HTT: variants seen among roughly 807,000 people sequenced by gnomAD.
HTT encodes huntingtin, also known as huntington disease protein.
HTT carries 104 observed loss-of-function variants against 362.3 expected under a neutral mutation model. The observed-to-expected ratio is 0.29, with a 90% confidence interval of 0.24 to 0.34. The LOEUF is 0.34. HTT is among the 10% of genes least tolerant of loss of function. The pLI, the probability that HTT is intolerant of heterozygous loss-of-function variation, is 1.00. For synonymous variants in HTT, 1,577 were observed against 1,548.7 expected (o/e 1.02, Z -0.43); for missense variants, 3,301 against 3,928.6 (o/e 0.84, Z 4.27).
intron 45 of HTT, among the ~76,000 whole-genome samples, chr4:3,208,355 G>A (rs1719970638): frequency 6.6e-6 from 1 of 152,208 alleles, no homozygotes; most frequent in East Asian, 1.9e-4. Flanking sequence ...ATTTTGAAAT[G>A]ACCATGAATT....
At chr4:3,145,044 C>T in intron 23 of HTT, 108 bp from the exon 24 acceptor site, 1 of 853,982 alleles carries the variant, frequency 1.2e-6, no homozygotes, top group Admixed American at 1.8e-5. Flanking sequence ...ATACACAGAT[C>T]TCAGTTTTCT....
At position 3,228,012 on chromosome 4, in the gene HTT, A is replaced by T. The variant is rs1186385784; in HGVS notation, c.7849-603A>T. On this transcript the variant is annotated intron_variant, in intron 57 of 66. Coordinates refer to ENST00000355072, the MANE Select transcript of HTT (RefSeq NM_001388492.1). The surrounding 1 kb of genome is among the most constrained non-coding windows in gnomAD (Gnocchi z 4.3). ...GCAGGGTGCTGGGTCCCAGGGGGGA[A>T]ATGGCCCTTGGTGCCAAGAACGTGA... Among the ~76,000 whole-genome samples the T allele has an allele frequency of 6.6e-6, 1 of 152,160 alleles. No individual in the cohort carries two copies. The highest frequency in any genetic ancestry group is 1.5e-5 in the Non-Finnish European group (1 of 68,008).
intron 18 of HTT, 63 bp downstream of exon 18, chr4:3,132,974 TA>T: frequency 8.2e-7 from 1 of 1,216,076 alleles, no homozygotes; most frequent in South Asian, 1.2e-5. Flanking sequence ...TTGCTACAAT[TA>T]AAATTGGAGC....
chr4:3,134,416 C>T lies in HTT; in HGVS notation c.2509C>T (p.Leu837Phe), dbSNP rs1715967159. 1 of 1,613,858 alleles carries T rather than the reference C, an allele frequency of 6.2e-7. No individual in the cohort carries two copies. The highest frequency in any genetic ancestry group is 1.7e-4 in the Middle Eastern group (1 of 6,052). The change falls in exon 19 of 67, where the codon CTC (leucine) becomes TTC (phenylalanine). Residue 837 changes from leucine to phenylalanine, a missense_variant. Transcript: ENST00000355072. ...CTAVRNCVMS[L>F]CSSSYSELGL... ...TGTGTTCCAGAACTGTGTCATGAGT[C>T]TCTGCAGCAGCAGCTACAGTGAGTT...
At chr4:3,205,693 A>G (rs531828239) in intron 42 of HTT, among the ~76,000 whole-genome samples, 45 of 152,196 alleles carry the variant, frequency 3.0e-4, no homozygotes, top group Non-Finnish European at 5.6e-4. Context: ...GGAGCTCAAC[A>G]AATAAGTATA....
intron 1 of HTT, among the ~76,000 whole-genome samples, chr4:3,076,543 A>G (rs1169545330): frequency 6.6e-6 from 1 of 152,220 alleles, no homozygotes; most frequent in Non-Finnish European, 1.5e-5. Flanking sequence ...ATTTGGAGAA[A>G]TTTTAAAACA....
chr4:3,177,585 G>A (rs1233309202), intron 34 of HTT, among the ~76,000 whole-genome samples, 198 bp downstream of exon 34: 1 of 152,180 alleles, frequency 6.6e-6, no homozygotes, highest in African/African-American at 2.4e-5. Flanking sequence ...AAGTAGTTAT[G>A]TATCTGAAAA....
At chr4:3,082,564 C>T (rs1232075576) in intron 1 of HTT, among the ~76,000 whole-genome samples, 1 of 152,152 alleles carries the variant, frequency 6.6e-6, no homozygotes, top group Admixed American at 6.5e-5. Flanking sequence ...TTTGGGATCT[C>T]ATAAGCAGAC....
chr4:3,234,955 C>T (rs2110302035), intron 61 of HTT, among the ~76,000 whole-genome samples: 1 of 152,264 alleles, frequency 6.6e-6, no homozygotes, highest in Non-Finnish European at 1.5e-5. Context: ...GGGGACTGGC[C>T]TGGGGTGTGG....
At chr4:3,116,919 AG>A (rs1413608040) in intron 8 of HTT, among the ~76,000 whole-genome samples, 1 of 152,168 alleles carries the variant, frequency 6.6e-6, no homozygotes, top group Non-Finnish European at 1.5e-5. Context: ...ATGTTATGTC[AG>A]GGTTTTTATT....
chr4:3,154,368 G>A lies in HTT; in HGVS notation c.3574G>A (p.Glu1192Lys). ...AAAGGGGAAGGAGAAAGAACCAGGA[G>A]AACAAGCATCTGTACCGTTGAGTCC... Reference protein sequence around the residue: ...RRKGKEKEPGEQASVPLSPKK... With the variant: ...RRKGKEKEPGKQASVPLSPKK... The change falls in exon 27 of 67, where the codon GAA (glutamate) becomes AAA (lysine). Residue 1192 changes from glutamate (E) to lysine (K), a missense_variant. This residue lies in a region of HTT where 2,316 missense variants were observed against 2,658.5 expected (regional missense o/e 0.87). Coordinates refer to ENST00000355072, the MANE Select transcript of HTT (RefSeq NM_001388492.1). 2 of 1,613,856 alleles carry A rather than the reference G, an allele frequency of 1.2e-6. No individual in the cohort carries two copies. Among genetic ancestry groups the A allele is most frequent in the Non-Finnish European group, 1.7e-6 (2 of 1,179,882 alleles).
intron 2 of HTT, among the ~76,000 whole-genome samples, chr4:3,093,905 G>GTTTTTTTTTTTTTTTTTTTTTTTTTT (rs67455911): frequency 1.3e-4 from 3 of 23,900 alleles, no homozygotes; most frequent in African/African-American, 3.0e-4. Flanking sequence ...CTTTAAGTTG[G>GTTTTTTTTTTTTTTTTTTTTTTTTTT]TTTTTTTTTT....
intron 28 of HTT, 23 bp from the exon 29 acceptor site, chr4:3,160,259 G>T (rs1249034486): frequency 2.7e-6 from 4 of 1,460,454 alleles, no homozygotes; most frequent in Non-Finnish European, 3.8e-6. Flanking sequence ...GTAACCGTGT[G>T]TTCTCTCCTT....
intron 16 of HTT, among the ~76,000 whole-genome samples, chr4:3,132,108 G>C (rs1288291582): frequency 6.6e-6 from 1 of 152,254 alleles, no homozygotes; most frequent in Non-Finnish European, 1.5e-5. Context: ...CACTCAGGGT[G>C]AGTGGGAACC....
At position 3,223,117 on chromosome 4, in the gene HTT, T is replaced by C. The variant is rs181203501; in HGVS notation, c.7471-289T>C. Among the ~76,000 whole-genome samples, 467 of 152,276 alleles carry C rather than the reference T, an allele frequency of 3.1e-3. 1 individual carries two copies. Among genetic ancestry groups the C allele is most frequent in the African/African-American group, 0.01 (430 of 41,550 alleles). On this transcript the variant is annotated intron_variant, in intron 54 of 66. Transcript: ENST00000355072. ...GGTGTCATAAGCAAGGCCTGTAAAA[T>C]GTATGAGGGAATTCAAAGATAATTT...
At chr4:3,166,671 C>T (rs1268030914) in intron 29 of HTT, among the ~76,000 whole-genome samples, 2 of 152,244 alleles carry the variant, frequency 1.3e-5, no homozygotes, top group South Asian at 2.1e-4. Flanking sequence ...CAGCCAAGCT[C>T]CTGCATCCCA....
chr4:3,236,314 G>A (rs1484480915), intron 64 of HTT, 60 bp downstream of exon 64: 1 of 1,123,830 alleles, frequency 8.9e-7, no homozygotes, highest in Non-Finnish European at 1.4e-6. Flanking sequence ...GCCTGAAGCT[G>A]TGCTTTTGTG....
intron 2 of HTT, among the ~76,000 whole-genome samples, chr4:3,094,939 G>C (rs1462404538): frequency 6.6e-6 from 1 of 151,602 alleles, no homozygotes; most frequent in Admixed American, 6.6e-5. Context: ...GGGCGGCGGG[G>C]CAGAGGTGCT....
chr4:3,098,100 T>C (rs1024591137), intron 2 of HTT, among the ~76,000 whole-genome samples: 4 of 152,266 alleles, frequency 2.6e-5, no homozygotes, highest in Non-Finnish European at 2.9e-5. Context: ...AATATAAAAG[T>C]GTAGCTCACA....
Sources: gnomAD v4.1 joint callset for allele counts (sites outside exome capture counted in the v4.1 genomes callset) on GRCh38, gnomAD v4.1.1 for gene constraint, gnomAD v4.1.1 regional missense constraint, Gnocchi (gnomAD v3.1) non-coding constraint, MANE v1.5 for transcripts, NCBI Gene and HGNC (gene_info 2026-07-23, HGNC 2026-07-21) for gene names.